PKD2: variants seen among roughly 807,000 people sequenced by gnomAD.
The protein encoded by PKD2 is polycystin 2, transient receptor potential cation channel, also known as polycystin-2.
A neutral mutation model predicts 105.9 loss-of-function variants in PKD2; 48 were observed. The observed-to-expected ratio is 0.45, with a 90% CI of 0.36 to 0.58. The LOEUF (loss-of-function observed/expected upper bound fraction) is 0.58. Among genes scored for constraint, PKD2 ranks in the 20% least tolerant of loss-of-function variants. The pLI is 0.00. For synonymous variants in PKD2, 464 were observed against 481.1 expected, an observed-to-expected ratio of 0.96 and a Z score of 0.46; for missense variants, 1,078 against 1,255.3, an observed-to-expected ratio of 0.86 and a Z score of 2.13.
At chr4:88,014,200 C>T (rs980158123) in intron 1 of PKD2, among the ~76,000 whole-genome samples, 6 of 152,228 alleles carry the variant, frequency 3.9e-5, no homozygotes, top group Non-Finnish European at 8.8e-5. Flanking sequence ...AAATTTCTGG[C>T]ATGGTACCAT....
At chr4:88,039,572 G>A (rs951104266) in intron 4 of PKD2, among the ~76,000 whole-genome samples, 14 of 151,272 alleles carry the variant, frequency 9.3e-5, no homozygotes, top group African/African-American at 3.2e-4. Flanking sequence ...GGCTGAGGCA[G>A]GAGAATTGCT....
chr4:88,055,494 A>G (rs1187118082), intron 7 of PKD2, among the ~76,000 whole-genome samples: 2 of 151,892 alleles, frequency 1.3e-5, no homozygotes, highest in African/African-American at 4.8e-5. Context: ...GTGCCACCAC[A>G]CCTGACTAAT....
intron 2 of PKD2, among the ~76,000 whole-genome samples, chr4:88,025,869 C>T (rs34716223): frequency 0.22 from 33,879 of 152,096 alleles, 4,994 homozygotes; most frequent in Non-Finnish European, 0.32. Context: ...TTTCTCTCTC[C>T]TGCTGCCTTG....
intron 4 of PKD2, among the ~76,000 whole-genome samples, chr4:88,038,790 A>G (rs1727438227): frequency 6.6e-6 from 1 of 152,190 alleles, no homozygotes; most frequent in Non-Finnish European, 1.5e-5. Flanking sequence ...TTCATTTAAG[A>G]TGCCCTGGGC....
rs1359275991 is a variant in PKD2 at position 88,008,415 on chromosome 4, G to A, written c.595+87G>A. Reference sequence around the variant, plus strand: ...CCATCGCCCGCTGCGGCAGCTCCCCGGGCTCCATCTCGCATCCCCTCTGCG... The same window carrying A: ...CCATCGCCCGCTGCGGCAGCTCCCCAGGCTCCATCTCGCATCCCCTCTGCG... On this transcript the variant is annotated intron_variant, in intron 1 of 14. Coordinates refer to ENST00000237596, the MANE Select transcript of PKD2 (RefSeq NM_000297.4). 2.8e-6 allele frequency: 4 copies of A among 1,433,796 alleles called. No individual in the cohort carries two copies. The South Asian group carries it at 4.1e-5, about 15-fold the overall frequency. 88.8% of individuals were successfully genotyped at this position (1,433,796 alleles called of 1,614,324 possible).
At chr4:88,059,688 A>G (rs1027947584) in intron 9 of PKD2, among the ~76,000 whole-genome samples, 5 of 152,134 alleles carry the variant, frequency 3.3e-5, no homozygotes, top group Non-Finnish European at 7.3e-5. Context: ...GACTGCACAA[A>G]AAAGAATTGC....
intron 7 of PKD2, among the ~76,000 whole-genome samples, chr4:88,052,560 G>A (rs564079781): frequency 7.9e-5 from 12 of 152,282 alleles, no homozygotes; most frequent in African/African-American, 2.2e-4. Context: ...ATGAGCCACC[G>A]TGCCAGGCCT....
At chr4:88,034,929 T>G (rs1177582143) in intron 2 of PKD2, among the ~76,000 whole-genome samples, 1 of 152,172 alleles carries the variant, frequency 6.6e-6, no homozygotes, top group Admixed American at 6.5e-5. Flanking sequence ...AAGTCCAGAA[T>G]GAGACAGTAC....
intron 1 of PKD2, among the ~76,000 whole-genome samples, chr4:88,016,709 C>T (rs1726573737): frequency 6.6e-6 from 1 of 151,998 alleles, no homozygotes; most frequent in African/African-American, 2.4e-5. Flanking sequence ...ATCTGTAATC[C>T]CAGCACTTTG....
chr4:88,008,079 G>A lies in PKD2; in HGVS notation c.346G>A (p.Val116Ile), dbSNP rs1287338780. The change falls in exon 1 of 15, where the codon GTA (valine) becomes ATA (isoleucine). Residue 116 changes from valine to isoleucine, a missense_variant. By Grantham distance (29) the Val-to-Ile change is conservative. Around this residue, in one of 2 missense-constraint regions of PKD2, gnomAD observed 210 missense variants for 187.9 expected, o/e 1.12. Transcript: ENST00000237596. ...EEGGMVVEMD[V>I]EWRPGSRRSA... Reference sequence around the variant, plus strand: ...AGGCGGAATGGTGGTGGAGATGGACGTAGAGTGGCGCCCGGGCAGCCGGAG... The same window carrying A: ...AGGCGGAATGGTGGTGGAGATGGACATAGAGTGGCGCCCGGGCAGCCGGAG... 2 of 1,519,780 alleles carry A rather than the reference G, an allele frequency of 1.3e-6. No homozygotes were observed. Among genetic ancestry groups the A allele is most frequent in the South Asian group, 2.4e-5 (2 of 82,224 alleles). 94.1% of individuals were successfully genotyped at this position (1,519,780 alleles called of 1,614,324 possible).
chr4:88,026,788 T>C (rs942705753), intron 2 of PKD2, among the ~76,000 whole-genome samples: 3 of 152,198 alleles, frequency 2.0e-5, no homozygotes, highest in Non-Finnish European at 4.4e-5. Flanking sequence ...CTGTGCAGCC[T>C]TGGGACATGG....
In PKD2 at chr4:88,031,849, T is replaced by C. The variant is rs11935464; in HGVS notation, c.710-4371T>C. ...TCAATACATAAGAATTCATTACAGT[T>C]GAATCATCATGTATAGTATAATTTA... On this transcript the variant is annotated intron_variant, in intron 2 of 14. Coordinates refer to ENST00000237596, the MANE Select transcript of PKD2 (RefSeq NM_000297.4). Among the ~76,000 whole-genome samples the C allele has an allele frequency of 6.0e-3, 914 of 152,358 alleles. 13 individuals carry two copies. The highest frequency in any genetic ancestry group is 0.021 in the African/African-American group (858 of 41,588).
At chr4:88,015,429 T>G (rs1726525867) in intron 1 of PKD2, among the ~76,000 whole-genome samples, 1 of 152,262 alleles carries the variant, frequency 6.6e-6, no homozygotes. Context: ...TATTTATTTA[T>G]TTAGACGGAG....
chr4:88,072,263 A>G (rs1346408068), intron 13 of PKD2, among the ~76,000 whole-genome samples: 1 of 151,866 alleles, frequency 6.6e-6, no homozygotes, highest in Non-Finnish European at 1.5e-5. Flanking sequence ...GATTACAGAT[A>G]TGCACCACCA....
chr4:88,052,114 T>C lies in PKD2; in HGVS notation c.1672T>C (p.Phe558Leu), dbSNP rs2110122278. ...FEHLAYWQIQ[F>L]NNIAAVTVFF... The stretch of plus-strand genomic sequence containing the variant: ...GCATCTGGCATATTGGCAGATACAG[T>C]TCAACAATATAGCTGCTGTCACAGT... Residue 558 changes from phenylalanine to leucine, a missense_variant, in exon 7 of 15, where the codon TTC (phenylalanine) becomes CTC (leucine). Transcript: ENST00000237596. 6.2e-7 allele frequency: 1 copy of C among 1,607,488 alleles called. No individual in the cohort carries two copies. The highest frequency in any genetic ancestry group is 1.1e-5 in the South Asian group (1 of 90,760).
chr4:88,015,300 A>G (rs548688032), intron 1 of PKD2, among the ~76,000 whole-genome samples: 33 of 152,336 alleles, frequency 2.2e-4, no homozygotes, highest in African/African-American at 7.5e-4. Context: ...ATGGGTGAGG[A>G]TGTAAATGAA....
At chr4:88,055,638 CT>C (rs5860112) in intron 7 of PKD2, among the ~76,000 whole-genome samples, 36,956 of 140,696 alleles carry the variant, frequency 0.26, 6,022 homozygotes, top group East Asian at 0.5. Context: ...TGCACTCAGC[CT>C]TTTTTTTTTT....
At chr4:88,013,674 C>T (rs1726459971) in intron 1 of PKD2, among the ~76,000 whole-genome samples, 2 of 150,494 alleles carry the variant, frequency 1.3e-5, no homozygotes, top group African/African-American at 2.5e-5. Context: ...TGCACTCCAG[C>T]CTGGGTGACA....
intron 6 of PKD2, among the ~76,000 whole-genome samples, chr4:88,047,155 G>A (rs1334956000): frequency 6.8e-6 from 1 of 147,566 alleles, no homozygotes; most frequent in Non-Finnish European, 1.5e-5. Context: ...ATGTGGAGGA[G>A]AAAACAGTTT....
Sources: allele counts gnomAD v4.1 joint callset (sites outside exome capture counted in the v4.1 genomes callset), GRCh38; gene constraint gnomAD v4.1.1; regional missense constraint gnomAD v4.1.1; transcripts MANE v1.5; gene names NCBI Gene and HGNC (gene_info 2026-07-23, HGNC 2026-07-21).